The following MAP3K21 variants were observed in gnomAD, a reference collection of about 807,000 sequenced individuals.
The protein encoded by MAP3K21 is mitogen-activated protein kinase kinase kinase 21.
A neutral mutation model predicts 86.1 loss-of-function variants in MAP3K21; 63 were observed. The ratio of observed to expected loss-of-function variants is 0.73; its 90% confidence interval spans 0.60 to 0.90. The LOEUF (loss-of-function observed/expected upper bound fraction) is 0.90, where lower values mean the gene tolerates loss of function less well. Among genes scored for constraint, MAP3K21 ranks in the 40% least tolerant of loss-of-function variants. MAP3K21 has a pLI of 0.00. For synonymous variants in MAP3K21, 558 were observed against 564.8 expected (o/e 0.99, Z 0.17); for missense variants, 1,220 against 1,367.7 (o/e 0.89, Z 1.70).
intron 5 of MAP3K21, among the ~76,000 whole-genome samples, chr1:233,363,389 A>G (rs1663503411): frequency 6.6e-6 from 1 of 152,182 alleles, no homozygotes; most frequent in Non-Finnish European, 1.5e-5. Flanking sequence ...AGATGTCCTC[A>G]GTTGATCAAA....
At chr1:233,366,422 A>G (rs764939565) in intron 5 of MAP3K21, among the ~76,000 whole-genome samples, 3 of 152,238 alleles carry the variant, frequency 2.0e-5, no homozygotes, top group Non-Finnish European at 4.4e-5. Context: ...TGATCATTAT[A>G]TATTGTAAAC....
In MAP3K21 at chr1:233,354,372, A is replaced by G. The variant is rs1460254283; in HGVS notation, c.1135+417A>G. On this transcript the variant is annotated intron_variant, in intron 3 of 9. Transcript: ENST00000366624. Reference sequence around the variant, plus strand: ...TTATCCTTATCTTTAAAAATTGTTAACTAACTCTTTTTGTAAGCCGCAAGT... The same window carrying G: ...TTATCCTTATCTTTAAAAATTGTTAGCTAACTCTTTTTGTAAGCCGCAAGT... Among the ~76,000 whole-genome samples the G allele has an allele frequency of 3.9e-5, 6 of 152,148 alleles. No individual in the cohort carries two copies. The East Asian group carries it at 9.6e-4, about 24-fold the overall frequency.
intron 4 of MAP3K21, among the ~76,000 whole-genome samples, chr1:233,359,294 T>G (rs1049455131): frequency 2.0e-5 from 3 of 152,224 alleles, no homozygotes; most frequent in Non-Finnish European, 4.4e-5. Flanking sequence ...TGAGCTACCA[T>G]GTAGTAGTGT....
intron 1 of MAP3K21, among the ~76,000 whole-genome samples, chr1:233,344,897 C>G (rs527525525): frequency 0.012 from 1,895 of 151,852 alleles, 41 homozygotes; most frequent in African/African-American, 0.043. Flanking sequence ...AAAAACCAAA[C>G]AACCCCATCA....
chr1:233,375,163 C>T (rs1216550194), intron 6 of MAP3K21, among the ~76,000 whole-genome samples: 6 of 151,880 alleles, frequency 4.0e-5, no homozygotes, highest in East Asian at 1.9e-4. Flanking sequence ...AGGCTGGTCT[C>T]GAAGTCCTGA....
rs542383598 is a variant in MAP3K21, at chr1:233,363,481, T to C, written c.1552+1188T>C. Among the ~76,000 whole-genome samples the C allele has an allele frequency of 2.0e-5, 3 of 152,210 alleles. No individual in the cohort carries two copies. The South Asian group carries it at 6.2e-4, about 32-fold the overall frequency. On this transcript the variant is annotated intron_variant, in intron 5 of 9. Coordinates refer to ENST00000366624, the MANE Select transcript of MAP3K21 (RefSeq NM_032435.3). ...GGTTAGCTGAGGTGGGTGGATCACCTGAGGTCAGGAGTTCAAGACTACCCT... is the reference window on the plus strand; with the variant it reads ...GGTTAGCTGAGGTGGGTGGATCACCCGAGGTCAGGAGTTCAAGACTACCCT...
intron 1 of MAP3K21, among the ~76,000 whole-genome samples, chr1:233,333,833 C>G (rs576849375): frequency 6.6e-6 from 1 of 152,210 alleles, no homozygotes; most frequent in East Asian, 1.9e-4. Flanking sequence ...CAGAATAGTG[C>G]AGCTAAGGGA....
rs545718767 is a variant in MAP3K21, at chr1:233,372,092, G to T, written c.1607G>T (p.Ser536Ile). ...TCTCCCAACTTGGACAAACGGCGGA[G>T]CCTGAACAGCAGCAGTTCCAGTCCC... ...QASPNLDKRR[S>I]LNSSSSSPPS... Residue 536 changes from serine to isoleucine, a missense_variant, in exon 6 of 10, where the codon AGC becomes ATC. By Grantham distance (142) the Ser-to-Ile change is moderately radical. This residue lies in a region of MAP3K21 where 632 missense variants were observed against 691.3 expected (regional missense o/e 0.91). Coordinates refer to ENST00000366624, the MANE Select transcript of MAP3K21 (RefSeq NM_032435.3). 1 of 1,614,136 alleles carries T rather than the reference G, an allele frequency of 6.2e-7. No individual in the cohort carries two copies. Among genetic ancestry groups the T allele is most frequent in the South Asian group, 1.1e-5 (1 of 91,076 alleles).
chr1:233,370,443 G>C (rs1164638733), intron 5 of MAP3K21, among the ~76,000 whole-genome samples: 1 of 152,148 alleles, frequency 6.6e-6, no homozygotes, highest in East Asian at 1.9e-4. Context: ...GAATTTACCT[G>C]ATATTTTGTG....
chr1:233,361,040 T>C (rs1663458312), intron 4 of MAP3K21, among the ~76,000 whole-genome samples: 1 of 152,178 alleles, frequency 6.6e-6, no homozygotes, highest in Non-Finnish European at 1.5e-5. Context: ...TTTATGTGAG[T>C]GCTTGATTTC....
intron 5 of MAP3K21, among the ~76,000 whole-genome samples, chr1:233,368,311 A>C (rs1663618083): frequency 6.6e-6 from 1 of 152,050 alleles, no homozygotes; most frequent in South Asian, 2.1e-4. Context: ...CACCTAGTCT[A>C]GTCAATTTTT....
At chr1:233,341,381 T>A (rs969730998) in intron 1 of MAP3K21, among the ~76,000 whole-genome samples, 11 of 152,184 alleles carry the variant, frequency 7.2e-5, no homozygotes, top group Middle Eastern at 3.2e-3. Flanking sequence ...CCAAAAGATA[T>A]GGAATTCCAG....
Position 233,328,328 on chromosome 1 carries a change from C to A in MAP3K21, c.300C>A (p.Cys100Ter). 6.8e-7 allele frequency: 1 copy of A among 1,472,234 alleles called. No homozygotes were observed. The highest frequency in any genetic ancestry group is 1.3e-5 in the South Asian group (1 of 76,930). The allele number at this position is 1,472,234 out of a possible 1,614,324, so 91.2% of individuals were successfully genotyped here. ...TCCCCGCCAACTACGTGGCTCCCTG[C>A]CGCCCGGCCGCCAGCCCCGCGCCGC... is the stretch of plus-strand genomic sequence containing the variant. ...GIFPANYVAP[C>*]RPAASPAPPP... Residue 100 changes from cysteine (C) to a stop codon, truncating the protein, a stop_gained, in exon 1 of 10, where the codon TGC becomes TGA. Coordinates refer to ENST00000366624, the MANE Select transcript of MAP3K21 (RefSeq NM_032435.3). LOFTEE classifies it high-confidence loss of function. This position sits in a 1 kb window ranked among gnomAD's most constrained non-coding sequence, Gnocchi z 8.7.
intron 1 of MAP3K21, among the ~76,000 whole-genome samples, chr1:233,337,999 G>C (rs1647989064): frequency 6.6e-6 from 1 of 152,090 alleles, no homozygotes; most frequent in African/African-American, 2.4e-5. Context: ...TTATGTTCTT[G>C]CTAATATATT....
At chr1:233,353,984 T>A (rs1558456254) in intron 3 of MAP3K21, 29 bp downstream of exon 3, 2 of 1,440,172 alleles carry the variant, frequency 1.4e-6, no homozygotes, top group Non-Finnish European at 9.2e-7. Context: ...TGTGTCTTTG[T>A]GGGGGCAAGA....
Position 233,328,188 on chromosome 1 carries a change from G to C in MAP3K21, c.160G>C (p.Glu54Gln). Reference protein sequence around the residue: ...AALYDYEARGEDELSLRRGQL... With the variant: ...AALYDYEARGQDELSLRRGQL... ...GCTCTATGACTACGAGGCTCGCGGC[G>C]AGGACGAGCTGAGCCTGCGGCGCGG... The change falls in exon 1 of 10, where the codon GAG (glutamate) becomes CAG (glutamine). Residue 54 changes from glutamate (E) to glutamine (Q), a missense_variant. Coordinates refer to ENST00000366624, the MANE Select transcript of MAP3K21 (RefSeq NM_032435.3). This position sits in a 1 kb window ranked among gnomAD's most constrained non-coding sequence, Gnocchi z 8.7. 2.7e-6 allele frequency: 4 copies of C among 1,481,736 alleles called. No individual in the cohort carries two copies. Among genetic ancestry groups the C allele is most frequent in the Admixed American group, 2.3e-5 (1 of 43,400 alleles). 91.8% of individuals were successfully genotyped at this position (1,481,736 alleles called of 1,614,324 possible).
rs879311380 is a variant in MAP3K21, at chr1:233,334,029, A to AT, written c.805+5205dup. Reference sequence around the variant, plus strand: ...AGGCGCCCGCCACCACGCCCAGCTAATTTTTTTTTGTATTTTTAGTAGAGA... The same window carrying AT: ...AGGCGCCCGCCACCACGCCCAGCTAATTTTTTTTTTGTATTTTTAGTAGAGA... On this transcript the variant is annotated intron_variant, in intron 1 of 9. Transcript: ENST00000366624. Among the ~76,000 whole-genome samples the AT allele has an allele frequency of 6.9e-4, 105 of 151,178 alleles. 1 individual carries two copies. The East Asian group carries it at 0.012, about 18-fold the overall frequency.
At chr1:233,364,846 T>C (rs1395157142) in intron 5 of MAP3K21, among the ~76,000 whole-genome samples, 3 of 152,080 alleles carry the variant, frequency 2.0e-5, no homozygotes, top group Non-Finnish European at 4.4e-5. Context: ...GGAATGAAAT[T>C]TGGTTTCTGG....
At chr1:233,359,650 G>T (rs1663429383) in intron 4 of MAP3K21, among the ~76,000 whole-genome samples, 1 of 152,214 alleles carries the variant, frequency 6.6e-6, no homozygotes, top group East Asian at 1.9e-4. Context: ...TGCATTTTGT[G>T]CATGCACCTG....
Sources: gnomAD v4.1 joint callset for allele counts (sites outside exome capture counted in the v4.1 genomes callset) on GRCh38, gnomAD v4.1.1 for gene constraint, gnomAD v4.1.1 regional missense constraint, Gnocchi (gnomAD v3.1) non-coding constraint, MANE v1.5 for transcripts, NCBI Gene and HGNC (gene_info 2026-07-23, HGNC 2026-07-21) for gene names.